PCDH11Y: variants seen among roughly 807,000 people sequenced by gnomAD.
The protein encoded by PCDH11Y is protocadherin-11 Y-linked.
For synonymous variants in PCDH11Y, 9 were observed against 83.6 expected, an observed-to-expected ratio of 0.11 and a Z score of 4.87; for missense variants, 12 against 224.8, an observed-to-expected ratio of 0.05 and a Z score of 6.05.
chrY:5,452,730 C>A (rs2053294309), intron 2 of PCDH11Y, among the ~76,000 whole-genome samples: 1 of 33,543 alleles, frequency 3.0e-5, no homozygotes, highest in Non-Finnish European at 7.4e-5. Flanking sequence ...GAGACAATCA[C>A]CCCTAATTTT....
chrY:5,443,319 A>G, intron 2 of PCDH11Y, among the ~76,000 whole-genome samples: 2 of 33,564 alleles, frequency 6.0e-5, no homozygotes, highest in African/African-American at 2.3e-4. Flanking sequence ...AAGAAAAATC[A>G]TATAAGTATC....
At chrY:5,532,834 T>G in intron 3 of PCDH11Y, among the ~76,000 whole-genome samples, 1 of 20,915 alleles carries the variant, frequency 4.8e-5, no homozygotes, top group Non-Finnish European at 1.1e-4. Context: ...CCACCCTTTT[T>G]TTTTTTTTTT....
chrY:5,493,556 G>C, intron 2 of PCDH11Y, among the ~76,000 whole-genome samples: 1 of 32,712 alleles, frequency 3.1e-5, no homozygotes, highest in Non-Finnish European at 7.5e-5. Flanking sequence ...GTTTAGGTTT[G>C]ATCTTGTTAA....
At chrY:5,325,845 G>T in intron 2 of PCDH11Y, among the ~76,000 whole-genome samples, 1 of 33,022 alleles carries the variant, frequency 3.0e-5, no homozygotes, top group East Asian at 8.3e-4. Context: ...TCTGGAATGA[G>T]ACTGGGGCCT....
intron 4 of PCDH11Y, among the ~76,000 whole-genome samples, chrY:5,620,428 T>A: frequency 3.3e-5 from 1 of 30,560 alleles, no homozygotes; most frequent in African/African-American, 1.3e-4. Context: ...TACTAAAAAA[T>A]AAATCACAGG....
intron 2 of PCDH11Y, among the ~76,000 whole-genome samples, chrY:5,243,003 A>C: frequency 3.0e-5 from 1 of 33,592 alleles, no homozygotes; most frequent in Non-Finnish European, 7.4e-5. Flanking sequence ...AGAGTCAAAA[A>C]TGCCACTGCC....
intron 2 of PCDH11Y, among the ~76,000 whole-genome samples, chrY:5,235,015 T>C (rs2052973174): frequency 3.1e-5 from 1 of 32,385 alleles, no homozygotes; most frequent in Non-Finnish European, 7.5e-5. Context: ...ATATGACTTT[T>C]CTACCTAGAA....
chrY:5,111,540 G>C, intron 2 of PCDH11Y, among the ~76,000 whole-genome samples: 1 of 33,490 alleles, frequency 3.0e-5, no homozygotes, highest in South Asian at 6.5e-4. Context: ...GGGATATTTT[G>C]CTGACCTGAC....
chrY:5,714,268 C>A, intron 4 of PCDH11Y, among the ~76,000 whole-genome samples: 19 of 32,984 alleles, frequency 5.8e-4, no homozygotes, highest in Non-Finnish European at 1.2e-3. Flanking sequence ...CTACACAGTC[C>A]CTGTTTAGGG....
chrY:5,448,112 A>T, intron 2 of PCDH11Y, among the ~76,000 whole-genome samples: 1 of 32,249 alleles, frequency 3.1e-5, no homozygotes, highest in Non-Finnish European at 7.6e-5. Flanking sequence ...TCGCTTTCAG[A>T]CTGTGGTTGT....
chrY:5,673,111 A>G, intron 4 of PCDH11Y, among the ~76,000 whole-genome samples: 1 of 33,300 alleles, frequency 3.0e-5, no homozygotes, highest in Non-Finnish European at 7.5e-5. Flanking sequence ...ACAAAAATTC[A>G]GGAGTGAAAG....
intron 2 of PCDH11Y, among the ~76,000 whole-genome samples, chrY:5,140,912 T>C: frequency 4.5e-5 from 1 of 22,254 alleles, no homozygotes; most frequent in African/African-American, 1.8e-4. Context: ...TAGTTACATA[T>C]GTATACATGT....
chrY:5,591,886 A>G, intron 4 of PCDH11Y, among the ~76,000 whole-genome samples: 1 of 33,158 alleles, frequency 3.0e-5, no homozygotes, highest in African/African-American at 1.2e-4. Context: ...TGATAGTGCA[A>G]TGATCTGAGG....
intron 2 of PCDH11Y, among the ~76,000 whole-genome samples, chrY:5,426,250 A>G (rs2053263148): frequency 3.0e-5 from 1 of 33,147 alleles, no homozygotes; most frequent in African/African-American, 1.2e-4. Flanking sequence ...AAGTATATGT[A>G]TTCTGTAGAG....
chrY:5,319,910 A>G (rs2124665629), intron 2 of PCDH11Y, among the ~76,000 whole-genome samples: 4 of 32,858 alleles, frequency 1.2e-4, no homozygotes, highest in Admixed American at 1.2e-3. Flanking sequence ...TTTTCTCCAA[A>G]AATACTTTTC....
intron 1 of PCDH11Y, among the ~76,000 whole-genome samples, chrY:5,092,646 T>TA (rs2052743421): frequency 3.1e-5 from 1 of 32,631 alleles, no homozygotes. Context: ...TAGTGTTTTC[T>TA]AAAACAGCCA....
intron 4 of PCDH11Y, among the ~76,000 whole-genome samples, chrY:5,681,096 G>A (rs2053557995): frequency 3.0e-5 from 1 of 32,938 alleles, no homozygotes; most frequent in Admixed American, 2.8e-4. Flanking sequence ...CCTAAAAGCA[G>A]CAAGAGAAAA....
chrY:5,075,757 T>G, intron 1 of PCDH11Y, among the ~76,000 whole-genome samples: 1 of 34,082 alleles, frequency 2.9e-5, no homozygotes, highest in Non-Finnish European at 7.3e-5. Flanking sequence ...TTCTCTTTTC[T>G]GAATAGTACT....
At chrY:5,359,577 C>A (rs2053172617) in intron 2 of PCDH11Y, among the ~76,000 whole-genome samples, 1 of 31,962 alleles carries the variant, frequency 3.1e-5, no homozygotes, top group Non-Finnish European at 7.5e-5. Context: ...TTTTACCCAG[C>A]CCCTATTCAA....
Sources: gnomAD v4.1 joint callset for allele counts (sites outside exome capture counted in the v4.1 genomes callset) on GRCh38, gnomAD v4.1.1 for gene constraint, MANE v1.5 for transcripts, NCBI Gene and HGNC (gene_info 2026-07-23, HGNC 2026-07-21) for gene names.